PCDH9: variants seen among roughly 807,000 people sequenced by gnomAD.
The protein encoded by PCDH9 is protocadherin 9.
A neutral mutation model predicts 70.6 loss-of-function variants in PCDH9; 24 were observed. The ratio of observed to expected loss-of-function variants is 0.34; its 90% CI spans 0.25 to 0.48. The LOEUF (loss-of-function observed/expected upper bound fraction) is 0.48. Among genes scored for constraint, PCDH9 ranks in the 20% least tolerant of loss-of-function variants. The probability of loss-of-function intolerance (pLI) is 0.99; values close to 1 mark genes in which losing one functional copy is unlikely to be tolerated. For synonymous variants in PCDH9, 562 were observed against 558.5 expected, an observed-to-expected ratio of 1.01 and a Z score of -0.09; for missense variants, 1,281 against 1,503.6, an observed-to-expected ratio of 0.85 and a Z score of 2.45.
At chr13:66,535,719 T>A (rs1960670039) in intron 4 of PCDH9, among the ~76,000 whole-genome samples, 1 of 152,062 alleles carries the variant, frequency 6.6e-6, no homozygotes, top group South Asian at 2.1e-4. Context: ...TCAAGAGACT[T>A]GAATCTCAAA....
In PCDH9 at chr13:66,981,817, G is replaced by A. The variant is rs568336907; in HGVS notation, c.3037-78212C>T. Among the ~76,000 whole-genome samples, 52 of 152,196 alleles carry A rather than the reference G, an allele frequency of 3.4e-4. No homozygotes were observed. The South Asian group carries it at 9.8e-3, about 29-fold the overall frequency. On this transcript the variant is annotated intron_variant, in intron 2 of 4. Coordinates refer to ENST00000377865, the MANE Select transcript of PCDH9 (RefSeq NM_203487.3). The stretch of plus-strand genomic sequence containing the variant: ...ACATAAAATATTATTAAATACTGAA[G>A]AGCAAAGTTGAAAATTAACGTATCC...
intron 4 of PCDH9, among the ~76,000 whole-genome samples, chr13:66,463,962 T>C (rs17081338): frequency 0.034 from 3,188 of 93,668 alleles, 109 homozygotes; most frequent in African/African-American, 0.12. Context: ...TCATTGGCAT[T>C]AAAAATTTAA....
intron 4 of PCDH9, among the ~76,000 whole-genome samples, chr13:66,545,553 G>A (rs1051717579): frequency 2.6e-5 from 4 of 152,042 alleles, no homozygotes; most frequent in South Asian, 4.2e-4. Context: ...GACAGACCAC[G>A]TCTATAACTA....
At chr13:66,749,401 T>C (rs2079423174) in intron 3 of PCDH9, among the ~76,000 whole-genome samples, 1 of 152,122 alleles carries the variant, frequency 6.6e-6, no homozygotes, top group South Asian at 2.1e-4. Context: ...TAATCAACAA[T>C]CATTTATGAA....
chr13:67,152,804 A>T (rs1344834194), intron 2 of PCDH9, among the ~76,000 whole-genome samples: 2 of 152,194 alleles, frequency 1.3e-5, no homozygotes, highest in Non-Finnish European at 1.5e-5. Context: ...AATCACACTG[A>T]AGGAGTAAGA....
intron 2 of PCDH9, among the ~76,000 whole-genome samples, chr13:67,039,191 G>A (rs1286861853): frequency 1.3e-5 from 2 of 152,166 alleles, no homozygotes; most frequent in Non-Finnish European, 2.9e-5. Context: ...CAACTTTTGT[G>A]TAACAAGGTT....
At chr13:66,848,536 C>T (rs1051477941) in intron 3 of PCDH9, among the ~76,000 whole-genome samples, 10 of 152,224 alleles carry the variant, frequency 6.6e-5, no homozygotes, top group African/African-American at 2.4e-4. Flanking sequence ...TCACTAATGG[C>T]TAAATATAAA....
chr13:66,917,209 T>G (rs995262622), intron 2 of PCDH9, among the ~76,000 whole-genome samples: 1 of 151,526 alleles, frequency 6.6e-6, no homozygotes, highest in Admixed American at 6.6e-5. Flanking sequence ...AATTTATTCT[T>G]CATGTGTAAA....
At chr13:66,873,940 C>CTTTTTTTT (rs528441546) in intron 3 of PCDH9, among the ~76,000 whole-genome samples, 5 of 111,130 alleles carry the variant, frequency 4.5e-5, no homozygotes, top group African/African-American at 6.6e-5. Context: ...TTCTTTCTTT[C>CTTTTTTTT]TTTTTTTTTT....
intron 2 of PCDH9, among the ~76,000 whole-genome samples, chr13:67,168,635 A>T (rs561763095): frequency 6.6e-6 from 1 of 151,900 alleles, no homozygotes; most frequent in East Asian, 1.9e-4. Flanking sequence ...AGAGGCTGAG[A>T]TGGGGGGATT....
intron 3 of PCDH9, among the ~76,000 whole-genome samples, chr13:66,749,089 C>T (rs184603255): frequency 2.2e-4 from 33 of 152,294 alleles, no homozygotes; most frequent in Admixed American, 1.2e-3. Context: ...TTTCCTGAGG[C>T]CTCCCCAGCC....
chr13:66,546,027 G>C (rs1401443227), intron 4 of PCDH9, among the ~76,000 whole-genome samples: 1 of 151,408 alleles, frequency 6.6e-6, no homozygotes, highest in Non-Finnish European at 1.5e-5. Flanking sequence ...TTTTAATAGA[G>C]ACAGGTTTCA....
intron 2 of PCDH9, among the ~76,000 whole-genome samples, chr13:67,174,314 G>GATAGATACATACATAC (rs372130505): frequency 3.3e-5 from 5 of 149,466 alleles, no homozygotes; most frequent in African/African-American, 9.9e-5. Flanking sequence ...TAGATAGATA[G>GATAGATACATACATAC]ATACATACAT....
chr13:66,860,144 T>C (rs1467035402), intron 3 of PCDH9, among the ~76,000 whole-genome samples: 1 of 152,208 alleles, frequency 6.6e-6, no homozygotes, highest in Non-Finnish European at 1.5e-5. Context: ...AATGCCAGTG[T>C]CCACTCCAGT....
chr13:67,210,398 G>A (rs2089444496), intron 2 of PCDH9: 1 of 151,944 alleles, frequency 6.6e-6, no homozygotes, highest in African/African-American at 2.4e-5. Context: ...CAAACAATGG[G>A]AATATTGCAA....
intron 3 of PCDH9, among the ~76,000 whole-genome samples, chr13:66,637,164 C>G (rs17081575): frequency 0.026 from 3,949 of 152,186 alleles, 179 homozygotes; most frequent in African/African-American, 0.089. Context: ...CACATTTCCT[C>G]TTAATAAAAT....
At chr13:66,755,519 T>C (rs1452371433) in intron 3 of PCDH9, among the ~76,000 whole-genome samples, 1 of 152,206 alleles carries the variant, frequency 6.6e-6, no homozygotes, top group Non-Finnish European at 1.5e-5. Context: ...AGTCGAGGAC[T>C]AAGCTCTCTC....
At chr13:66,911,779 C>T (rs2082471416) in intron 2 of PCDH9, among the ~76,000 whole-genome samples, 1 of 152,154 alleles carries the variant, frequency 6.6e-6, no homozygotes, top group Non-Finnish European at 1.5e-5. Context: ...TTGCACATTG[C>T]AACTTAATTC....
At chr13:66,346,819 C>T (rs971788970) in intron 4 of PCDH9, among the ~76,000 whole-genome samples, 1 of 152,100 alleles carries the variant, frequency 6.6e-6, no homozygotes, top group Non-Finnish European at 1.5e-5. Flanking sequence ...GGAATTAGCT[C>T]GGATGAATGC....
Sources: gnomAD v4.1 joint callset for allele counts (sites outside exome capture counted in the v4.1 genomes callset) on GRCh38, gnomAD v4.1.1 for gene constraint, MANE v1.5 for transcripts, NCBI Gene and HGNC (gene_info 2026-07-23, HGNC 2026-07-21) for gene names.